Variants in WHAMM observed in about 807,000 individuals in gnomAD.
The protein encoded by WHAMM is WASP homolog associated with actin, golgi membranes and microtubules, also known as WASP homolog-associated protein with actin, membranes and microtubules.
WHAMM carries 67 observed loss-of-function variants against 76.5 expected under a neutral mutation model. The ratio of observed to expected loss-of-function variants is 0.88; its 90% CI spans 0.72 to 1.07. The LOEUF is 1.07. Ranked by LOEUF, WHAMM falls within the 50% of genes least tolerant of loss-of-function variation. The pLI is 0.00. For synonymous variants in WHAMM, 419 were observed against 422.1 expected (o/e 0.99, Z 0.09); for missense variants, 1,021 against 1,051.1 (o/e 0.97, Z 0.40).
chr15:82,820,741 A>G (rs1201537635), intron 5 of WHAMM, among the ~76,000 whole-genome samples: 1 of 151,990 alleles, frequency 6.6e-6, no homozygotes. Flanking sequence ...CTAAAAATAC[A>G]AAAATTAGCT....
rs766136092 is a variant in WHAMM, at chr15:82,832,882, TC to T, written c.2123-345del. ...GGTCACGCACAGTGGGTGAGACTATTCCACCCCAGGCCTCCGTAACACTCTT... is the reference window on the plus strand; with the variant it reads ...GGTCACGCACAGTGGGTGAGACTATTCACCCCAGGCCTCCGTAACACTCTT... On this transcript the variant is annotated intron_variant, in intron 9 of 9. Transcript: ENST00000286760. 1.7e-4 allele frequency among the ~76,000 whole-genome samples: 26 copies of T among 152,264 alleles called. No homozygotes were observed. In the East Asian group the frequency reaches 1.9e-3, roughly 11 times the overall value.
chr15:82,829,475 A>G (rs1009063151), intron 8 of WHAMM, among the ~76,000 whole-genome samples: 3 of 151,994 alleles, frequency 2.0e-5, no homozygotes, highest in African/African-American at 7.2e-5. Flanking sequence ...CCTCTGGCCC[A>G]TTTTCTGGGA....
At chr15:82,830,522 A>T (rs1022235328) in intron 8 of WHAMM, 77 bp from the exon 9 acceptor site, 1 of 1,546,578 alleles carries the variant, frequency 6.5e-7, no homozygotes, top group Non-Finnish European at 8.7e-7. Context: ...GGATGTGTTT[A>T]TAGATTTCTA....
At chr15:82,817,293 G>C (rs906238733) in intron 3 of WHAMM, among the ~76,000 whole-genome samples, 6 of 152,210 alleles carry the variant, frequency 3.9e-5, no homozygotes, top group Non-Finnish European at 8.8e-5. Flanking sequence ...AAAACCTGCG[G>C]GGCTGGATCG....
Position 82,834,618 on chromosome 15 carries a change from GTTATT to G in WHAMM, c.*1087_*1091del, listed in dbSNP as rs1310363701. 3.9e-5 allele frequency: 6 copies of G among 152,716 alleles called. No individual in the cohort carries two copies. Among genetic ancestry groups the G allele is most frequent in the South Asian group, 4.1e-4 (2 of 4,830 alleles). The allele number at this position is 152,716 out of a possible 1,614,324, so 9.5% of individuals were successfully genotyped here. A position where few individuals can be genotyped will look rare whatever the true frequency, so the allele number is the denominator to read the frequency against. ...CAGATTTGTAGGCTTGAATGTGAAT[GTTATT>G]TTATCAGTAATCAGAATAAATTGCT... On this transcript the variant is annotated 3_prime_UTR_variant, in exon 10 of 10. Transcript: ENST00000286760.
At chr15:82,824,408 A>G (rs143118659) in intron 6 of WHAMM, among the ~76,000 whole-genome samples, 129 of 151,852 alleles carry the variant, frequency 8.5e-4, no homozygotes, top group African/African-American at 3.0e-3. Flanking sequence ...GCTCACTGCA[A>G]CCTTCATCTC....
chr15:82,831,705 CAG>C (rs1167368090), intron 9 of WHAMM, among the ~76,000 whole-genome samples: 2 of 152,204 alleles, frequency 1.3e-5, no homozygotes, highest in African/African-American at 2.4e-5. Flanking sequence ...AGTTCTCACT[CAG>C]AATTTGAATT....
At chr15:82,815,468 T>C (rs573855787) in intron 2 of WHAMM, among the ~76,000 whole-genome samples, 74 of 152,328 alleles carry the variant, frequency 4.9e-4, no homozygotes, top group African/African-American at 1.7e-3. Flanking sequence ...TATTTATCAG[T>C]TGATGGACAT....
At chr15:82,817,833 T>A in intron 3 of WHAMM, 87 bp from the exon 4 acceptor site, 1 of 1,122,784 alleles carries the variant, frequency 8.9e-7, no homozygotes, top group Non-Finnish European at 1.2e-6. Flanking sequence ...GCAGGTAGTA[T>A]GGAGGCAATA....
At chr15:82,831,969 C>A (rs554219503) in intron 9 of WHAMM, among the ~76,000 whole-genome samples, 2 of 152,336 alleles carry the variant, frequency 1.3e-5, no homozygotes, top group East Asian at 3.9e-4. Flanking sequence ...GAGTTCAGAG[C>A]TTCACTGTAC....
At chr15:82,814,765 T>C (rs939846081) in intron 2 of WHAMM, among the ~76,000 whole-genome samples, 1 of 135,418 alleles carries the variant, frequency 7.4e-6, no homozygotes, top group Admixed American at 7.6e-5. Context: ...ATTTTTCCTT[T>C]CTTTTTTTTT....
intron 8 of WHAMM, among the ~76,000 whole-genome samples, chr15:82,827,370 G>T (rs2050953120): frequency 6.6e-6 from 1 of 151,326 alleles, no homozygotes. Flanking sequence ...TCTGTTCTAG[G>T]CCTACATTTG....
chr15:82,818,741 A>G (rs1236502676), intron 4 of WHAMM, among the ~76,000 whole-genome samples: 2 of 152,190 alleles, frequency 1.3e-5, no homozygotes, highest in Non-Finnish European at 2.9e-5. Flanking sequence ...AATATCACAG[A>G]TTGGGTGGCT....
chr15:82,814,770 T>TC (rs1325213632), intron 2 of WHAMM, among the ~76,000 whole-genome samples: 1 of 133,682 alleles, frequency 7.5e-6, no homozygotes. Context: ...TCCTTTCTTT[T>TC]TTTTTTTTTT....
intron 3 of WHAMM, among the ~76,000 whole-genome samples, 161 bp downstream of exon 3, chr15:82,817,003 G>T (rs1453420535): frequency 6.6e-6 from 1 of 152,188 alleles, no homozygotes; most frequent in Non-Finnish European, 1.5e-5. Context: ...TGAAGGGAGA[G>T]AAATCTTAAT....
At chr15:82,817,299 G>A (rs999600532) in intron 3 of WHAMM, among the ~76,000 whole-genome samples, 3 of 152,232 alleles carry the variant, frequency 2.0e-5, no homozygotes, top group African/African-American at 7.2e-5. Context: ...TGCGGGGCTG[G>A]ATCGCAGAGA....
intron 6 of WHAMM, among the ~76,000 whole-genome samples, chr15:82,824,261 G>A (rs748947531): frequency 6.9e-6 from 1 of 145,656 alleles, no homozygotes; most frequent in Non-Finnish European, 1.5e-5. Flanking sequence ...AGGTTCAAGC[G>A]AGTCTTCTGC....
At chr15:82,813,575 T>C (rs2050667075) in intron 2 of WHAMM, among the ~76,000 whole-genome samples, 1 of 151,648 alleles carries the variant, frequency 6.6e-6, no homozygotes, top group African/African-American at 2.4e-5. Context: ...AATGAAGACA[T>C]TTACGTTGGT....
chr15:82,830,583 G>C lies in WHAMM; in HGVS notation c.1642-16G>C, dbSNP rs747655215. 2 of 1,600,364 alleles carry C rather than the reference G, an allele frequency of 1.2e-6. No homozygotes were observed. Among genetic ancestry groups the C allele is most frequent in the African/African-American group, 1.3e-5 (1 of 74,444 alleles). ...GCACTTGTGGCAGATTGCTCACCAT[G>C]GTTTTTCATTTTCAGAAACGCCTAG... On this transcript the variant is annotated splice_polypyrimidine_tract_variant and intron_variant, in intron 8 of 9. Transcript: ENST00000286760.
Sources: allele counts gnomAD v4.1 joint callset (sites outside exome capture counted in the v4.1 genomes callset), GRCh38; gene constraint gnomAD v4.1.1; transcripts MANE v1.5; gene names NCBI Gene and HGNC (gene_info 2026-07-23, HGNC 2026-07-21).